SIGLEC15: variants seen among roughly 807,000 people sequenced by gnomAD.
SIGLEC15 encodes sialic acid-binding Ig-like lectin 15.
A neutral mutation model predicts 26.2 loss-of-function variants in SIGLEC15; 31 were observed. The ratio of observed to expected loss-of-function variants is 1.18; its 90% CI spans 0.89 to 1.60. The LOEUF is 1.60. Among genes scored for constraint, SIGLEC15 ranks in the 40% most tolerant of loss-of-function variants. SIGLEC15 has a pLI of 0.00. For synonymous variants in SIGLEC15, 207 were observed against 221.9 expected (o/e 0.93, Z 0.60); for missense variants, 501 against 488.4 (o/e 1.03, Z -0.24).
intron 1 of SIGLEC15, chr18:45,829,153 A>G (rs1264965794): frequency 1.0e-6 from 1 of 985,518 alleles, no homozygotes; most frequent in African/African-American, 1.7e-5. Context: ...CAGCAGGGTC[A>G]GCCTGTGGCC....
intron 1 of SIGLEC15, among the ~76,000 whole-genome samples, chr18:45,827,188 T>A (rs2048191891): frequency 6.6e-6 from 1 of 152,216 alleles, no homozygotes; most frequent in Non-Finnish European, 1.5e-5. Context: ...AGTGCTGAGA[T>A]TACAGGTGTG....
At chr18:45,840,190 C>T (rs375172698) in intron 4 of SIGLEC15, 21 bp from the exon 5 acceptor site, 1 of 1,612,982 alleles carries the variant, frequency 6.2e-7, no homozygotes, top group Non-Finnish European at 8.5e-7. Context: ...CATGCCTGCT[C>T]TCTTGCTGTC....
At chr18:45,837,465 G>C in intron 2 of SIGLEC15, 48 bp from the exon 3 acceptor site, 1 of 1,426,306 alleles carries the variant, frequency 7.0e-7, no homozygotes, top group Non-Finnish European at 9.1e-7. Context: ...GGGTGCGGGC[G>C]CCTCGACCCC....
At chr18:45,827,607 T>G (rs1205480276) in intron 1 of SIGLEC15, among the ~76,000 whole-genome samples, 1 of 152,176 alleles carries the variant, frequency 6.6e-6, no homozygotes, top group Non-Finnish European at 1.5e-5. Context: ...TCTACCTTTC[T>G]TGAGTCCCTG....
chr18:45,830,649 C>A (rs1160760682), intron 1 of SIGLEC15, among the ~76,000 whole-genome samples: 3 of 131,492 alleles, frequency 2.3e-5, no homozygotes, highest in Admixed American at 8.8e-5. Context: ...GCAGTGGCAC[C>A]ATCTCAGCTC....
chr18:45,836,892 C>T (rs1376492202), intron 1 of SIGLEC15, 137 bp from the exon 2 acceptor site: 1 of 603,488 alleles, frequency 1.7e-6, no homozygotes, highest in Non-Finnish European at 3.0e-6. Context: ...CTCTAGTGCA[C>T]TAGAATGCAG....
intron 1 of SIGLEC15, among the ~76,000 whole-genome samples, chr18:45,827,683 C>T (rs1041105838): frequency 6.6e-6 from 1 of 152,202 alleles, no homozygotes; most frequent in African/African-American, 2.4e-5. Flanking sequence ...CATCAAAGGC[C>T]CCCAGCACAG....
Position 45,842,276 on chromosome 18 carries a change from C to A in SIGLEC15, c.*89C>A. On this transcript the variant is annotated 3_prime_UTR_variant, in exon 6 of 6. Transcript: ENST00000389474. ...GGCTGGCACAGCCAGTCCTGGTTCT[C>A]GGGCACCTTGGCAGCCCCCAGCTGG... The A allele has an allele frequency of 6.8e-7, 1 of 1,478,488 alleles. No homozygotes were observed. The highest frequency in any genetic ancestry group is 9.4e-7 in the Non-Finnish European group (1 of 1,061,032). 91.6% of individuals were successfully genotyped at this position (1,478,488 alleles called of 1,614,324 possible).
chr18:45,843,886 A>G lies in SIGLEC15; in HGVS notation c.*1699A>G, dbSNP rs2048345345. The G allele has an allele frequency of 1.3e-5, 2 of 152,324 alleles. No homozygotes were observed. Among genetic ancestry groups the G allele is most frequent in the South Asian group, 4.1e-4 (2 of 4,828 alleles). 9.4% of individuals were successfully genotyped at this position (152,324 alleles called of 1,614,324 possible). A position where few individuals can be genotyped will look rare whatever the true frequency, so the allele number is the denominator to read the frequency against. ...AGAGAGACTGTCTCCAAAGAAAAAA[A>G]AAGAAATAGAACTACCATATGATCC... On this transcript the variant is annotated 3_prime_UTR_variant, in exon 6 of 6. Coordinates refer to ENST00000389474, the MANE Select transcript of SIGLEC15 (RefSeq NM_213602.3).
In SIGLEC15 at chr18:45,837,898, C is replaced by A; in HGVS notation, c.496+2C>A. 6.7e-7 allele frequency: 1 copy of A among 1,503,238 alleles called. No individual in the cohort carries two copies. Among genetic ancestry groups the A allele is most frequent in the South Asian group, 1.3e-5 (1 of 79,842 alleles). The allele number at this position is 1,503,238 out of a possible 1,614,324, so 93.1% of individuals were successfully genotyped here. On this transcript the variant is annotated splice_donor_variant, in intron 3 of 5. Transcript: ENST00000389474. LOFTEE classifies it high-confidence loss of function. ...ACGGCGTCCGGCTGCACGTGACAGG[C>A]GAGGCGGCGTGGGAGCGGGTCCCCG...
intron 1 of SIGLEC15, among the ~76,000 whole-genome samples, chr18:45,834,928 G>C (rs910004757): frequency 2.6e-5 from 4 of 152,214 alleles, no homozygotes; most frequent in African/African-American, 9.6e-5. Context: ...TCTGCATCTA[G>C]AAGTACTGAC....
intron 5 of SIGLEC15, among the ~76,000 whole-genome samples, chr18:45,841,844 G>A (rs1429287837): frequency 3.3e-5 from 5 of 152,190 alleles, no homozygotes; most frequent in Non-Finnish European, 5.9e-5. Flanking sequence ...ATTCCGATTT[G>A]TAGGTCAGGG....
At chr18:45,826,710 T>A (rs1233710693) in intron 1 of SIGLEC15, among the ~76,000 whole-genome samples, 2 of 152,164 alleles carry the variant, frequency 1.3e-5, no homozygotes, top group Non-Finnish European at 2.9e-5. Context: ...ACATTCCCTG[T>A]ATGGGGTCCT....
intron 1 of SIGLEC15, 61 bp from the exon 2 acceptor site, chr18:45,836,968 C>T (rs2048280562): frequency 2.2e-6 from 2 of 907,712 alleles, no homozygotes; most frequent in Non-Finnish European, 1.9e-6. Context: ...TTCAGTTACT[C>T]AACTTCTCTG....
intron 1 of SIGLEC15, among the ~76,000 whole-genome samples, chr18:45,826,278 G>C (rs1701017575): frequency 6.6e-6 from 1 of 152,166 alleles, no homozygotes; most frequent in African/African-American, 2.4e-5. Context: ...AGGAATCCCA[G>C]TGGGTGAGTG....
At position 45,837,868 on chromosome 18, in the gene SIGLEC15, C is replaced by G; in HGVS notation, c.468C>G (p.Ser156Arg). 1 of 1,533,302 alleles carries G rather than the reference C, an allele frequency of 6.5e-7. No individual in the cohort carries two copies. The highest frequency in any genetic ancestry group is 1.4e-5 in the African/African-American group (1 of 70,126). 95.0% of individuals were successfully genotyped at this position (1,533,302 alleles called of 1,614,324 possible). The change falls in exon 3 of 6, where the codon AGC becomes AGG. Residue 156 changes from serine to arginine, a missense_variant. Physicochemically the swap from Ser to Arg is moderately radical, Grantham distance 110 (BLOSUM62 -1). Transcript: ENST00000389474. ...FAGDVHDRYE[S>R]RHGVRLHVTA... ...GCGACGTCCATGACCGCTACGAGAG[C>G]CGCCACGGCGTCCGGCTGCACGTGA...
Position 45,837,611 on chromosome 18 carries a change from C to G in SIGLEC15, c.211C>G (p.Arg71Gly), listed in dbSNP as rs562057203. 1.9e-4 allele frequency: 288 copies of G among 1,509,854 alleles called. No individual in the cohort carries two copies. In the African/African-American group the frequency reaches 3.7e-3, roughly 20 times the overall value. The allele number at this position is 1,509,854 out of a possible 1,614,324, so 93.5% of individuals were successfully genotyped here. A position where few individuals can be genotyped will look rare whatever the true frequency, so the allele number is the denominator to read the frequency against. The change falls in exon 3 of 6, where the codon CGC (arginine) becomes GGC (glycine). Residue 71 changes from arginine (R) to glycine (G), a missense_variant. By Grantham distance (125) the Arg-to-Gly change is moderately radical. Coordinates refer to ENST00000389474, the MANE Select transcript of SIGLEC15 (RefSeq NM_213602.3). ...GCCCTGCACCTTCACGCACCCGCAC[C>G]GCCACTACGACGGGCCGCTGACGGC... ...VLPCTFTHPH[R>G]HYDGPLTAIW... is the part of the protein sequence containing the mutation.
intron 1 of SIGLEC15, among the ~76,000 whole-genome samples, chr18:45,831,823 C>T (rs1311806110): frequency 6.6e-6 from 1 of 151,666 alleles, no homozygotes; most frequent in Non-Finnish European, 1.5e-5. Flanking sequence ...CTGCAGCCTC[C>T]GCCTCCCGGG....
At chr18:45,830,583 CTTTTTTT>C (rs56404391) in intron 1 of SIGLEC15, among the ~76,000 whole-genome samples, 5 of 96,702 alleles carry the variant, frequency 5.2e-5, no homozygotes, top group African/African-American at 2.1e-4. Flanking sequence ...ATTTTTCTTT[CTTTTTTT>C]TTTTTTTTTT....
Sources: gnomAD v4.1 joint callset for allele counts (sites outside exome capture counted in the v4.1 genomes callset) on GRCh38, gnomAD v4.1.1 for gene constraint, MANE v1.5 for transcripts, NCBI Gene and HGNC (gene_info 2026-07-23, HGNC 2026-07-21) for gene names.